ASCC3: variants seen among roughly 807,000 people sequenced by gnomAD.
The protein encoded by ASCC3 is ASC-1 complex subunit P200.
Under a neutral mutation model 256.3 loss-of-function variants are expected in ASCC3, and 158 were observed. The observed-to-expected ratio is 0.62, with a 90% CI of 0.54 to 0.70. The LOEUF is 0.70. ASCC3 is among the 30% of genes least tolerant of loss of function. The probability of loss-of-function intolerance (pLI) is 0.00; values close to 1 mark genes in which losing one functional copy is unlikely to be tolerated. For missense variants in ASCC3, 2,259 were observed against 2,626.0 expected (o/e 0.86, Z 3.05); for synonymous variants, 948 against 883.4 (o/e 1.07, Z -1.30).
chr6:100,670,636 T>C (rs1582667934), intron 14 of ASCC3, among the ~76,000 whole-genome samples: 1 of 139,832 alleles, frequency 7.2e-6, no homozygotes, highest in Non-Finnish European at 1.6e-5. Context: ...CAACCAACTT[T>C]TTTTCCCCCC....
intron 20 of ASCC3, among the ~76,000 whole-genome samples, chr6:100,647,743 G>C (rs1462690221): frequency 6.6e-6 from 1 of 152,014 alleles, no homozygotes; most frequent in African/African-American, 2.4e-5. Context: ...GAGACAAAAG[G>C]CATGCAAAAT....
intron 13 of ASCC3, among the ~76,000 whole-genome samples, chr6:100,685,436 T>TG (rs1472604470): frequency 1.3e-5 from 2 of 152,176 alleles, no homozygotes; most frequent in Non-Finnish European, 2.9e-5. Flanking sequence ...TAAAAGTGTG[T>TG]GGTTCCCTGA....
intron 4 of ASCC3, among the ~76,000 whole-genome samples, chr6:100,829,140 A>C (rs1164917830): frequency 6.6e-6 from 1 of 152,100 alleles, no homozygotes. Flanking sequence ...CCAAGTCCCC[A>C]CCAGACTCAG....
At chr6:100,527,714 C>T (rs1774651830) in intron 37 of ASCC3, among the ~76,000 whole-genome samples, 1 of 152,088 alleles carries the variant, frequency 6.6e-6, no homozygotes, top group African/African-American at 2.4e-5. Context: ...ATATCTTTCA[C>T]TTAAAATAAT....
In ASCC3 at chr6:100,872,471, G is replaced by GT. The variant is rs1554251080; in HGVS notation, c.-41-4434_-41-4433insA. The stretch of plus-strand genomic sequence containing the variant: ...CCTGAGTAGAAAAAAAAAAGGGTCG[G>GT]GGGGGGATCATGGCAGACGGGAGGC... On this transcript the variant is annotated intron_variant, in intron 1 of 41. Transcript: ENST00000369162. 1.5e-4 allele frequency among the ~76,000 whole-genome samples: 19 copies of GT among 128,296 alleles called. 1 individual carries two copies. In the Middle Eastern group the frequency reaches 0.013, roughly 84 times the overall value. 84.2% of individuals were successfully genotyped at this position (128,296 alleles called of 152,430 possible).
chr6:100,550,560 C>T (rs1435936184), intron 36 of ASCC3, among the ~76,000 whole-genome samples: 2 of 151,970 alleles, frequency 1.3e-5, no homozygotes, highest in Non-Finnish European at 2.9e-5. Context: ...TAGAGGAAAA[C>T]TTAGGAGTGC....
intron 30 of ASCC3, among the ~76,000 whole-genome samples, chr6:100,613,844 C>A (rs1458910614): frequency 6.6e-6 from 1 of 152,064 alleles, no homozygotes; most frequent in Admixed American, 6.6e-5. Context: ...ATGATAATAG[C>A]CATTTTGACT....
At chr6:100,732,181 A>G (rs1779935468) in intron 10 of ASCC3, among the ~76,000 whole-genome samples, 1 of 146,628 alleles carries the variant, frequency 6.8e-6, no homozygotes, top group African/African-American at 2.5e-5. Context: ...AAAAAAAAAA[A>G]AGAAGAAGAA....
rs760305029 is a variant in ASCC3, at chr6:100,848,314, A to T, written c.635T>A (p.Leu212His). 8.7e-6 allele frequency: 14 copies of T among 1,613,936 alleles called. No individual in the cohort carries two copies. The East Asian group carries it at 1.3e-4, about 15-fold the overall frequency. Reference sequence around the variant, plus strand: ...GCCATTTGTTTTTTCCACAGGCTTGAGTTCTGGGGTGCAAGCCTCCTGGAG... The same window carrying T: ...GCCATTTGTTTTTTCCACAGGCTTGTGTTCTGGGGTGCAAGCCTCCTGGAG... ...EHLQEACTPE[L>H]KPVEKTNGSF... The change falls in exon 4 of 42, where the codon CTC becomes CAC. Residue 212 changes from leucine (L) to histidine (H), a missense_variant. Around this residue, in one of 2 missense-constraint regions of ASCC3, gnomAD observed 420 missense variants for 419.3 expected, o/e 1.00. Transcript: ENST00000369162.
At chr6:100,634,057 A>G (rs1278476304) in intron 25 of ASCC3, among the ~76,000 whole-genome samples, 5 of 152,164 alleles carry the variant, frequency 3.3e-5, no homozygotes, top group Non-Finnish European at 4.4e-5. Context: ...TTAAGTACAT[A>G]TTTATAAAGA....
At chr6:100,755,366 C>CTTTT (rs56147910) in intron 10 of ASCC3, among the ~76,000 whole-genome samples, 1 of 149,064 alleles carries the variant, frequency 6.7e-6, no homozygotes, top group South Asian at 2.1e-4. Context: ...TGTGCTTCCT[C>CTTTT]TTTTTTTTTT....
At chr6:100,720,057 G>C (rs551219893) in intron 11 of ASCC3, among the ~76,000 whole-genome samples, 1 of 151,882 alleles carries the variant, frequency 6.6e-6, no homozygotes. Flanking sequence ...TACAAATGTT[G>C]AAGTGTGATG....
At chr6:100,730,706 C>A (rs775456452) in intron 10 of ASCC3, among the ~76,000 whole-genome samples, 5 of 152,154 alleles carry the variant, frequency 3.3e-5, no homozygotes, top group Non-Finnish European at 7.4e-5. Flanking sequence ...CTCTGATATA[C>A]AAATGTCAGT....
At chr6:100,757,242 A>AT (rs35392283) in intron 10 of ASCC3, among the ~76,000 whole-genome samples, 59,473 of 151,776 alleles carry the variant, frequency 0.39, 12,884 homozygotes, top group Middle Eastern at 0.56. Context: ...AGATACAGAT[A>AT]TACACACACA....
intron 20 of ASCC3, among the ~76,000 whole-genome samples, chr6:100,648,574 G>A (rs573581109): frequency 2.0e-5 from 3 of 151,886 alleles, no homozygotes; most frequent in Non-Finnish European, 4.4e-5. Flanking sequence ...AGAAATTAAA[G>A]TACAAAATGG....
At chr6:100,573,560 T>G (rs1377101649) in intron 36 of ASCC3, among the ~76,000 whole-genome samples, 4 of 152,162 alleles carry the variant, frequency 2.6e-5, no homozygotes, top group Non-Finnish European at 5.9e-5. Context: ...AACAATGTTC[T>G]ACTTACTCAA....
At chr6:100,513,052 A>C in intron 39 of ASCC3, 134 bp from the exon 40 acceptor site, 1 of 800,198 alleles carries the variant, frequency 1.2e-6, no homozygotes, top group South Asian at 1.7e-5. Context: ...ATGCAGTTGC[A>C]GGAAATAATA....
chr6:100,536,621 C>T (rs941470443), intron 37 of ASCC3, among the ~76,000 whole-genome samples: 1 of 152,102 alleles, frequency 6.6e-6, no homozygotes, highest in Non-Finnish European at 1.5e-5. Flanking sequence ...CATCCATCAC[C>T]ACACCTAGAT....
chr6:100,710,493 T>G (rs943303131), intron 13 of ASCC3, among the ~76,000 whole-genome samples: 8 of 152,156 alleles, frequency 5.3e-5, no homozygotes, highest in African/African-American at 1.4e-4. Flanking sequence ...CCCTCCTCAG[T>G]CACCTTTCAT....
Sources: gnomAD v4.1 joint callset for allele counts (sites outside exome capture counted in the v4.1 genomes callset) on GRCh38, gnomAD v4.1.1 for gene constraint, gnomAD v4.1.1 regional missense constraint, MANE v1.5 for transcripts, NCBI Gene and HGNC (gene_info 2026-07-23, HGNC 2026-07-21) for gene names.